Variants in MRPS5 observed in about 807,000 individuals in gnomAD.
The protein encoded by MRPS5 is small ribosomal subunit protein uS5m.
A neutral mutation model predicts 51.9 loss-of-function variants in MRPS5; 27 were observed. The observed-to-expected ratio is 0.52, with a 90% confidence interval of 0.38 to 0.72. The LOEUF is 0.72. Among genes scored for constraint, MRPS5 ranks in the 30% least tolerant of loss-of-function variants. The pLI is 0.00. For synonymous variants in MRPS5, 196 were observed against 193.2 expected (o/e 1.01, Z -0.12); for missense variants, 570 against 545.7 (o/e 1.04, Z -0.44).
chr2:95,099,064 G>A (rs534395517), intron 10 of MRPS5, among the ~76,000 whole-genome samples: 65 of 151,052 alleles, frequency 4.3e-4, no homozygotes, highest in Non-Finnish European at 6.9e-4. Context: ...GACTACAGGC[G>A]CCTGCCACTG....
chr2:95,088,630 C>T (rs1675368627), intron 11 of MRPS5, among the ~76,000 whole-genome samples: 1 of 152,192 alleles, frequency 6.6e-6, no homozygotes, highest in South Asian at 2.1e-4. Flanking sequence ...AGGCATATCA[C>T]CTAAAGTGGT....
rs1045976486 is a variant in MRPS5 at position 95,099,378 on chromosome 2, GAA to G, written c.931+1094_931+1095del. On this transcript the variant is annotated intron_variant, in intron 10 of 11. Coordinates refer to ENST00000272418, the MANE Select transcript of MRPS5 (RefSeq NM_031902.5). ...TCAAATGTTCTCATAGATGCATTTT[GAA>G]AAGTTTTTTTTAAAAAGTTTATTTA... is the stretch of plus-strand genomic sequence containing the variant. Among the ~76,000 whole-genome samples, 28 of 152,022 alleles carry G rather than the reference GAA, an allele frequency of 1.8e-4. 1 individual carries two copies. The highest frequency in any genetic ancestry group is 1.8e-3 in the Admixed American group (27 of 15,252).
intron 10 of MRPS5, among the ~76,000 whole-genome samples, chr2:95,099,037 G>C (rs1368750335): frequency 2.0e-5 from 3 of 150,172 alleles, no homozygotes; most frequent in African/African-American, 7.3e-5. Context: ...TCCTGCCTCA[G>C]CCTCCCGAGT....
chr2:95,121,852 G>T, upstream of MRPS5: 2 of 1,476,196 alleles, frequency 1.4e-6, no homozygotes, highest in South Asian at 1.3e-5. Context: ...CGCCTACCGC[G>T]ACTGCTCCTC....
intron 1 of MRPS5, 125 bp downstream of exon 1, chr2:95,121,609 G>T: frequency 1.9e-6 from 2 of 1,058,504 alleles, no homozygotes; most frequent in Admixed American, 2.9e-5. Context: ...GAAGGTGGGG[G>T]CACGGCGTGA....
At chr2:95,088,945 T>C (rs1357322132) in intron 11 of MRPS5, among the ~76,000 whole-genome samples, 1 of 152,148 alleles carries the variant, frequency 6.6e-6, no homozygotes, top group Non-Finnish European at 1.5e-5. Context: ...CACGTGCCTG[T>C]AGTCCCAGCT....
At chr2:95,089,906 G>A (rs533082356) in intron 11 of MRPS5, among the ~76,000 whole-genome samples, 4 of 152,198 alleles carry the variant, frequency 2.6e-5, no homozygotes, top group East Asian at 3.9e-4. Flanking sequence ...GGCCGGGCGC[G>A]GTGGCTCACA....
chr2:95,115,284 A>T, intron 2 of MRPS5, 81 bp from the exon 3 acceptor site: 5 of 1,263,748 alleles, frequency 4.0e-6, no homozygotes, highest in Non-Finnish European at 1.0e-6. Context: ...AATCATTACT[A>T]ACAAAAATAA....
At chr2:95,106,217 C>T (rs993850446) in intron 6 of MRPS5, among the ~76,000 whole-genome samples, 3 of 152,150 alleles carry the variant, frequency 2.0e-5, no homozygotes, top group African/African-American at 7.2e-5. Flanking sequence ...GGTAGCTCCC[C>T]GCCCCACAGA....
chr2:95,114,702 A>C (rs1369119470), intron 3 of MRPS5, among the ~76,000 whole-genome samples: 1 of 152,212 alleles, frequency 6.6e-6, no homozygotes. Flanking sequence ...GTTAGTGAAC[A>C]ATATCTCCTT....
At chr2:95,087,640 C>T in intron 11 of MRPS5, 59 bp from the exon 12 acceptor site, 2 of 1,446,326 alleles carry the variant, frequency 1.4e-6, no homozygotes, top group South Asian at 1.3e-5. Context: ...ACATAAAGAG[C>T]AGGAACTTCC....
intron 7 of MRPS5, among the ~76,000 whole-genome samples, chr2:95,102,251 C>A (rs1675824330): frequency 6.6e-6 from 1 of 151,598 alleles, no homozygotes. Flanking sequence ...TTTATAAAAT[C>A]CAAGGTTAGA....
chr2:95,100,762 A>C, intron 9 of MRPS5, 75 bp downstream of exon 9: 1 of 1,137,886 alleles, frequency 8.8e-7, no homozygotes, highest in Non-Finnish European at 1.3e-6. Context: ...AGATACCTAT[A>C]GAGATACATT....
At chr2:95,100,687 C>A (rs1246313500) in intron 9 of MRPS5, 150 bp downstream of exon 9, 2 of 880,758 alleles carry the variant, frequency 2.3e-6, no homozygotes, top group Non-Finnish European at 3.4e-6. Context: ...ATTTTAGTAA[C>A]CTTCTTAGGA....
intron 6 of MRPS5, 84 bp downstream of exon 6, chr2:95,106,338 CT>C: frequency 8.9e-7 from 1 of 1,125,400 alleles, no homozygotes; most frequent in East Asian, 2.4e-5. Context: ...AAGGCCTTCC[CT>C]TACAGTTCCT....
At chr2:95,113,637 C>T (rs1279220087) in intron 3 of MRPS5, among the ~76,000 whole-genome samples, 1 of 152,116 alleles carries the variant, frequency 6.6e-6, no homozygotes, top group Non-Finnish European at 1.5e-5. Flanking sequence ...TTTCTCTGTA[C>T]TGGAATCTGT....
rs772024753 is a variant in MRPS5, at chr2:95,087,436, T to C, written c.1214A>G (p.Lys405Arg). Residue 405 changes from lysine (K) to arginine (R), a missense_variant, in exon 12 of 12, where the codon AAA becomes AGA. By Grantham distance (26) the Lys-to-Arg change is conservative. Coordinates refer to ENST00000272418, the MANE Select transcript of MRPS5 (RefSeq NM_031902.5). ...AGTCTTCACATCTTCCCAGTCCAGT[T>C]TGACGTCTGGAACCTCATCTTCTGG... Reference protein sequence around the residue: ...PEPEDEVPDVKLDWEDVKTAQ... With the variant: ...PEPEDEVPDVRLDWEDVKTAQ... 32 of 1,614,156 alleles carry C rather than the reference T, an allele frequency of 2.0e-5. No individual in the cohort carries two copies. Among genetic ancestry groups the C allele is most frequent in the South Asian group, 9.9e-5 (9 of 91,082 alleles).
At chr2:95,097,923 G>T (rs1429569875) in intron 10 of MRPS5, among the ~76,000 whole-genome samples, 1 of 152,126 alleles carries the variant, frequency 6.6e-6, no homozygotes, top group Admixed American at 6.5e-5. Flanking sequence ...CCTACCGAAT[G>T]GGAGAAAATT....
chr2:95,108,289 G>A lies in MRPS5; in HGVS notation c.523C>T (p.Gln175Ter), dbSNP rs1412267533. 6.2e-7 allele frequency: 1 copy of A among 1,614,086 alleles called. No homozygotes were observed. The highest frequency in any genetic ancestry group is 1.3e-5 in the African/African-American group (1 of 74,992). ...QEKVEADMIQ[Q>*]REEWDRKKKM... ...TTCTTTCGGTCCCACTCTTCTCTCT[G>A]CTGGATCATGTCTGCCTCCACCTTC... Residue 175 changes from glutamine to a stop codon, truncating the protein, a stop_gained, in exon 5 of 12, where the codon CAG (glutamine) becomes TAG (stop). Coordinates refer to ENST00000272418, the MANE Select transcript of MRPS5 (RefSeq NM_031902.5). LOFTEE classifies it high-confidence loss of function.
Sources: allele counts gnomAD v4.1 joint callset (sites outside exome capture counted in the v4.1 genomes callset), GRCh38; gene constraint gnomAD v4.1.1; transcripts MANE v1.5; gene names NCBI Gene and HGNC (gene_info 2026-07-23, HGNC 2026-07-21).